UNC13C: variants seen among roughly 807,000 people sequenced by gnomAD.
UNC13C encodes the protein protein unc-13 homolog C.
Under a neutral mutation model 245.4 loss-of-function variants are expected in UNC13C, and 174 were observed. That is an observed-to-expected ratio of 0.71 (90% CI 0.63 to 0.80). The LOEUF (loss-of-function observed/expected upper bound fraction) is 0.80. UNC13C is among the 30% of genes least tolerant of loss of function. The pLI is 0.00. For missense variants in UNC13C, 2,829 were observed against 2,602.9 expected (o/e 1.09, Z -1.89); for synonymous variants, 992 against 895.1 (o/e 1.11, Z -1.93).
chr15:54,482,690 G>A (rs1893191128), intron 19 of UNC13C, among the ~76,000 whole-genome samples: 1 of 137,308 alleles, frequency 7.3e-6, no homozygotes, highest in Non-Finnish European at 1.6e-5. Flanking sequence ...CTGTGTGGAG[G>A]AGGCAAGTGC....
the UNC13C span, among the ~76,000 whole-genome samples, chr15:53,909,395 T>G: frequency 6.8e-6 from 1 of 146,782 alleles, no homozygotes; most frequent in African/African-American, 2.4e-5. Context: ...GACATGATTC[T>G]CCTGCTGATA....
Position 54,175,508 on chromosome 15 carries a change from A to ATTTTTTTTTTTTTTT in UNC13C, c.3071+31832_3071+31846dup, listed in dbSNP as rs55925649. 2.7e-4 allele frequency among the ~76,000 whole-genome samples: 29 copies of ATTTTTTTTTTTTTTT among 105,984 alleles called. 2 individuals are homozygous for ATTTTTTTTTTTTTTT. Among genetic ancestry groups the ATTTTTTTTTTTTTTT allele is most frequent in the African/African-American group, 9.9e-4 (26 of 26,226 alleles). The allele number at this position is 105,984 out of a possible 152,430, so 69.5% of individuals were successfully genotyped here. On this transcript the variant is annotated intron_variant, in intron 4 of 32. Transcript: ENST00000260323. ...AAAACACTGTTGTTGTGGCCCTAGA[A>ATTTTTTTTTTTTTTT]TTTTTTTTTTTTTTTTTTTTTTGAG...
intron 13 of UNC13C, among the ~76,000 whole-genome samples, chr15:54,316,712 C>T (rs557432747): frequency 2.6e-5 from 4 of 152,034 alleles, no homozygotes; most frequent in African/African-American, 9.6e-5. Context: ...TTCACTCTTT[C>T]ATGATCATTA....
intron 1 of UNC13C, among the ~76,000 whole-genome samples, chr15:53,987,804 C>T (rs113673979): frequency 1.4e-3 from 218 of 152,172 alleles, no homozygotes; most frequent in Non-Finnish European, 2.7e-3. Flanking sequence ...CTTAGGCTAT[C>T]TGAAGGATGT....
Position 54,321,347 on chromosome 15 carries a change from G to A in UNC13C, c.4269-592G>A, listed in dbSNP as rs941154947. The stretch of plus-strand genomic sequence containing the variant: ...GATGTCCTTCAATGTCTTCTTTAAT[G>A]CCACCCACCAAGATCTTTTTCAAAT... On this transcript the variant is annotated intron_variant, in intron 13 of 32. Transcript: ENST00000260323. 4.7e-5 allele frequency: 22 copies of A among 471,374 alleles called. No individual in the cohort carries two copies. In the Middle Eastern group the frequency reaches 2.3e-3, roughly 50 times the overall value. The allele number at this position is 471,374 out of a possible 1,614,324, so 29.2% of individuals were successfully genotyped here. A position where few individuals can be genotyped will look rare whatever the true frequency, so the allele number is the denominator to read the frequency against.
At chr15:54,172,695 C>T (rs2033445565) in intron 4 of UNC13C, among the ~76,000 whole-genome samples, 1 of 76,078 alleles carries the variant, frequency 1.3e-5, no homozygotes, top group African/African-American at 4.0e-5. Context: ...AAGTCAAATA[C>T]ACACACAGAT....
At chr15:53,909,202 C>T in the UNC13C span, among the ~76,000 whole-genome samples, 1 of 146,578 alleles carries the variant, frequency 6.8e-6, no homozygotes, top group African/African-American at 2.4e-5. Context: ...TGCAGAAATG[C>T]CCAACATATA....
At chr15:54,260,860 C>T (rs976287650) in intron 8 of UNC13C, among the ~76,000 whole-genome samples, 2 of 149,702 alleles carry the variant, frequency 1.3e-5, no homozygotes, top group Admixed American at 1.3e-4. Flanking sequence ...AGAAAAAAAA[C>T]ACAAAAATTG....
intron 30 of UNC13C, among the ~76,000 whole-genome samples, chr15:54,606,384 T>C (rs1035322600): frequency 2.0e-5 from 3 of 152,236 alleles, no homozygotes; most frequent in South Asian, 2.1e-4. Context: ...ATGTGTTCCA[T>C]ATTTAATCAG....
In UNC13C at chr15:54,114,463, TG is replaced by T. The variant is rs796555843; in HGVS notation, c.2984-28554del. On this transcript the variant is annotated intron_variant, in intron 2 of 32. Coordinates refer to ENST00000260323, the MANE Select transcript of UNC13C (RefSeq NM_001080534.3). ...TTTATACAAATGATGCTATACCGGT[TG>T]ATCTACAACTTGCTTTTTTCACTCC... Among the ~76,000 whole-genome samples the T allele has an allele frequency of 9.9e-5, 15 of 152,280 alleles. 2 individuals are homozygous for T. Among genetic ancestry groups the T allele is most frequent in the African/African-American group, 3.6e-4 (15 of 41,568 alleles).
chr15:53,972,405 T>C, the UNC13C span, among the ~76,000 whole-genome samples: 1 of 152,232 alleles, frequency 6.6e-6, no homozygotes, highest in African/African-American at 2.4e-5. Flanking sequence ...TCCAATCATA[T>C]TAAATAAAGT....
chr15:54,584,564 AAAGAGT>A (rs1421363191), intron 30 of UNC13C, among the ~76,000 whole-genome samples: 3 of 152,376 alleles, frequency 2.0e-5, no homozygotes, highest in Non-Finnish European at 2.9e-5. Context: ...AAGAAATTCA[AAAGAGT>A]AAAAGAATAG....
At chr15:54,451,203 A>C (rs1234184095) in intron 19 of UNC13C, among the ~76,000 whole-genome samples, 3 of 151,430 alleles carry the variant, frequency 2.0e-5, no homozygotes, top group African/African-American at 7.3e-5. Flanking sequence ...TCTAGTGATG[A>C]GGAATTACCT....
At chr15:54,488,158 T>C (rs998509856) in intron 19 of UNC13C, among the ~76,000 whole-genome samples, 3 of 152,190 alleles carry the variant, frequency 2.0e-5, no homozygotes, top group African/African-American at 7.2e-5. Context: ...CATCTAAATA[T>C]TGTTAATGTG....
chr15:54,304,515 C>T (rs1421703807), intron 13 of UNC13C, among the ~76,000 whole-genome samples: 1 of 151,868 alleles, frequency 6.6e-6, no homozygotes, highest in Non-Finnish European at 1.5e-5. Flanking sequence ...CCTCTATCGC[C>T]CTGACGTCCG....
chr15:53,867,766 T>C, the UNC13C span, among the ~76,000 whole-genome samples: 1 of 152,200 alleles, frequency 6.6e-6, no homozygotes, highest in Non-Finnish European at 1.5e-5. Flanking sequence ...AAATAATAAC[T>C]TTTGCATTAT....
Position 54,255,038 on chromosome 15 carries a change from G to A in UNC13C, c.3448+4594G>A, listed in dbSNP as rs577784869. 1.7e-4 allele frequency among the ~76,000 whole-genome samples: 26 copies of A among 152,250 alleles called. No individual in the cohort carries two copies. In the South Asian group the frequency reaches 5.4e-3, roughly 32 times the overall value. On this transcript the variant is annotated intron_variant, in intron 8 of 32. Transcript: ENST00000260323. ...ATGGGGTGTAGCTCGCTTCTTCAGT[G>A]CCCCGCTTCTCAGACTTCTAGGGGA...
At chr15:54,433,120 G>T (rs111382893) in intron 19 of UNC13C, among the ~76,000 whole-genome samples, 2 of 151,878 alleles carry the variant, frequency 1.3e-5, no homozygotes, top group African/African-American at 4.8e-5. Context: ...AAACAGCCCA[G>T]GACCAGATGG....
chr15:54,134,887 C>T (rs904585827), intron 2 of UNC13C, among the ~76,000 whole-genome samples: 6 of 152,080 alleles, frequency 3.9e-5, no homozygotes, highest in African/African-American at 1.4e-4. Flanking sequence ...TTTTGAGGAA[C>T]CTCCATACTG....
Sources: allele counts gnomAD v4.1 joint callset (sites outside exome capture counted in the v4.1 genomes callset), GRCh38; gene constraint gnomAD v4.1.1; transcripts MANE v1.5; gene names NCBI Gene and HGNC (gene_info 2026-07-23, HGNC 2026-07-21).